The following ADD1 variants were observed in gnomAD, a reference collection of about 807,000 sequenced individuals.
ADD1 encodes the protein alpha-adducin.
Under a neutral mutation model 80.5 loss-of-function variants are expected in ADD1, and 24 were observed. The observed-to-expected ratio is 0.30, with a 90% CI of 0.22 to 0.42. ADD1 has a LOEUF of 0.42. Ranked by LOEUF, ADD1 falls within the 10% of genes least tolerant of loss-of-function variation. The pLI is 1.00. For synonymous variants in ADD1, 373 were observed against 393.8 expected, an observed-to-expected ratio of 0.95 and a Z score of 0.63; for missense variants, 948 against 1,019.0, an observed-to-expected ratio of 0.93 and a Z score of 0.95.
Position 2,884,575 on chromosome 4 carries a change from A to G in ADD1, c.419A>G (p.Lys140Arg), listed in dbSNP as rs772859513. The stretch of plus-strand genomic sequence containing the variant: ...GGATCTGATTCTATTGCGTATGACA[A>G]AGGAGAGAAGTTATTACGGTGTAAA... Reference protein sequence around the residue: ...LRGSDSIAYDKGEKLLRCKLA... With the variant: ...LRGSDSIAYDRGEKLLRCKLA... The change falls in exon 4 of 16, where the codon AAA becomes AGA. Residue 140 changes from lysine (K) to arginine (R), a missense_variant. Transcript: ENST00000683351. 6.2e-7 allele frequency: 1 copy of G among 1,613,518 alleles called. No homozygotes were observed. The highest frequency in any genetic ancestry group is 8.5e-7 in the Non-Finnish European group (1 of 1,179,630).
intron 5 of ADD1, 41 bp downstream of exon 5, chr4:2,894,134 C>A: frequency 3.4e-6 from 5 of 1,474,446 alleles, no homozygotes; most frequent in South Asian, 1.1e-5. Context: ...ATGTGCAGGT[C>A]ATGTTAGGTC....
Position 2,926,376 on chromosome 4 carries a change from A to G in ADD1, c.2047+264A>G. 1 of 701,086 alleles carries G rather than the reference A, an allele frequency of 1.4e-6. No homozygotes were observed. Among genetic ancestry groups the G allele is most frequent in the Non-Finnish European group, 2.6e-6 (1 of 385,626 alleles). The allele number at this position is 701,086 out of a possible 1,614,324, so 43.4% of individuals were successfully genotyped here. ...ATGGTTGCTGGTGTCCACGTTGCCC[A>G]TTGCTCGCACACTCCTCGTGCCGTG... On this transcript the variant is annotated intron_variant, in intron 15 of 15. Transcript: ENST00000683351. This position sits in a 1 kb window ranked among gnomAD's most constrained non-coding sequence, Gnocchi z 5.0.
At chr4:2,856,279 C>A (rs1304477118) in intron 1 of ADD1, among the ~76,000 whole-genome samples, 1 of 152,134 alleles carries the variant, frequency 6.6e-6, no homozygotes, top group Non-Finnish European at 1.5e-5. Context: ...AGTTATCCTA[C>A]TGCTCTCTAC....
chr4:2,919,677 G>A (rs1238095443), intron 14 of ADD1, among the ~76,000 whole-genome samples: 3 of 152,040 alleles, frequency 2.0e-5, no homozygotes, highest in Non-Finnish European at 4.4e-5. Flanking sequence ...GGGATCAGTG[G>A]TGATCTCCCC....
At chr4:2,845,574 G>A (rs1452925157) in intron 1 of ADD1, among the ~76,000 whole-genome samples, 4 of 152,058 alleles carry the variant, frequency 2.6e-5, no homozygotes, top group Non-Finnish European at 5.9e-5. Flanking sequence ...TCGGAGAGTC[G>A]CTGAGTGATG....
chr4:2,926,750 TTAAG>T lies in ADD1; in HGVS notation c.2047+640_2047+643del, dbSNP rs1405949245. The T allele has an allele frequency of 2.0e-6, 3 of 1,490,126 alleles. No homozygotes were observed. The highest frequency in any genetic ancestry group is 1.2e-5 in the South Asian group (1 of 83,568). The allele number at this position is 1,490,126 out of a possible 1,614,324, so 92.3% of individuals were successfully genotyped here. ...CATTCTCCTGCTTCTTTGTTGTTTATTAAGTTTTGTTTTCTGTTTATTTAAAATA... is the reference window on the plus strand; with the variant it reads ...CATTCTCCTGCTTCTTTGTTGTTTATTTTTGTTTTCTGTTTATTTAAAATA... On this transcript the variant is annotated intron_variant, in intron 15 of 15. Coordinates refer to ENST00000683351, the MANE Select transcript of ADD1 (RefSeq NM_001354761.2). The surrounding 1 kb of genome is among the most constrained non-coding windows in gnomAD (Gnocchi z 5.0).
intron 2 of ADD1, among the ~76,000 whole-genome samples, chr4:2,880,561 C>T (rs1181383163): frequency 4.0e-5 from 6 of 148,566 alleles, no homozygotes; most frequent in African/African-American, 1.2e-4. Flanking sequence ...CTGCAAGCTC[C>T]GCCTCCCGGG....
chr4:2,898,861 C>T, intron 8 of ADD1: 1 of 389,982 alleles, frequency 2.6e-6, no homozygotes, highest in South Asian at 2.7e-5. Flanking sequence ...CCACAGTACT[C>T]TTTGAAAAAG....
intron 14 of ADD1, among the ~76,000 whole-genome samples, chr4:2,916,449 C>T (rs1482798764): frequency 6.6e-6 from 1 of 152,088 alleles, no homozygotes; most frequent in Non-Finnish European, 1.5e-5. Flanking sequence ...CCGCCTTGGC[C>T]TCCCAAAGTG....
In ADD1 at chr4:2,928,315, GC is replaced by G. The variant is rs1712283302; in HGVS notation, c.2196del (p.Thr733LeufsTer58). The G allele has an allele frequency of 6.2e-7, 1 of 1,613,838 alleles. No homozygotes were observed. Among genetic ancestry groups the G allele is most frequent in the Admixed American group, 1.7e-5 (1 of 59,990 alleles). ...EKEEEAHRPP[S>X]PTEAPTEASP... ...GAGGAGGAAGCCCATAGACCCCCAA[GC>G]CCCACTGAGGCCCCTACTGAGGCCA... On this transcript the variant is annotated frameshift_variant, in exon 16 of 16. Coordinates refer to ENST00000683351, the MANE Select transcript of ADD1 (RefSeq NM_001354761.2). LOFTEE classifies it high-confidence loss of function.
At chr4:2,915,820 A>G (rs1738919609) in intron 14 of ADD1, among the ~76,000 whole-genome samples, 1 of 152,114 alleles carries the variant, frequency 6.6e-6, no homozygotes. Context: ...AAAAAAAGAA[A>G]TTGCAAAGTT....
At chr4:2,898,640 T>C in intron 8 of ADD1, 109 bp downstream of exon 8, 1 of 940,852 alleles carries the variant, frequency 1.1e-6, no homozygotes, top group Non-Finnish European at 1.7e-6. Flanking sequence ...TTGAGCAATC[T>C]CTTTGCCAAA....
Position 2,908,499 on chromosome 4 carries a change from T to C in ADD1, c.1609-16T>C, listed in dbSNP as rs776835320. On this transcript the variant is annotated splice_polypyrimidine_tract_variant and intron_variant, in intron 11 of 15. Transcript: ENST00000683351. Reference sequence around the variant, plus strand: ...GCTCAGGACTGTTGATGTGTGCCTCTCCTTCCCACCCTCAGATCCGAGAGC... The same window carrying C: ...GCTCAGGACTGTTGATGTGTGCCTCCCCTTCCCACCCTCAGATCCGAGAGC... The C allele has an allele frequency of 1.2e-6, 2 of 1,612,046 alleles. No homozygotes were observed. The highest frequency in any genetic ancestry group is 8.5e-7 in the Non-Finnish European group (1 of 1,178,110).
intron 1 of ADD1, among the ~76,000 whole-genome samples, chr4:2,866,256 T>G (rs1729532006): frequency 6.6e-6 from 1 of 152,144 alleles, no homozygotes; most frequent in African/African-American, 2.4e-5. Context: ...ACCCTTCGCC[T>G]TCCGGGTTCA....
chr4:2,901,397 ACT>A (rs1291584781), intron 9 of ADD1: 4 of 152,084 alleles, frequency 2.6e-5, no homozygotes, highest in African/African-American at 4.8e-5. Context: ...TCAGGTAGAA[ACT>A]CTGATTTGGT....
intron 2 of ADD1, among the ~76,000 whole-genome samples, chr4:2,878,746 C>T (rs867073108): frequency 6.6e-6 from 1 of 152,030 alleles, no homozygotes; most frequent in Non-Finnish European, 1.5e-5. Flanking sequence ...GCTATGATTG[C>T]ACCACTGCAC....
chr4:2,852,203 C>A (rs1727283452), intron 1 of ADD1, among the ~76,000 whole-genome samples: 1 of 93,876 alleles, frequency 1.1e-5, no homozygotes, highest in African/African-American at 4.1e-5. Flanking sequence ...TCTTTCCTTT[C>A]TTTCCTTTCC....
chr4:2,906,668 AC>A (rs1442839198), intron 10 of ADD1, among the ~76,000 whole-genome samples: 1 of 152,196 alleles, frequency 6.6e-6, no homozygotes, highest in East Asian at 1.9e-4. Flanking sequence ...GATTGCTGTT[AC>A]TTTTTCAAAT....
In ADD1 at chr4:2,884,685, A is replaced by T; in HGVS notation, c.510+19A>T. Reference sequence around the variant, plus strand: ...TATCACAGTGAGTATTAAATGGGCTAGTAACTGAACGATAAATGAAATATT... The same window carrying T: ...TATCACAGTGAGTATTAAATGGGCTTGTAACTGAACGATAAATGAAATATT... On this transcript the variant is annotated intron_variant, in intron 4 of 15. Transcript: ENST00000683351. 6.4e-7 allele frequency: 1 copy of T among 1,567,004 alleles called. No individual in the cohort carries two copies.
Sources: gnomAD v4.1 joint callset for allele counts (sites outside exome capture counted in the v4.1 genomes callset) on GRCh38, gnomAD v4.1.1 for gene constraint, Gnocchi (gnomAD v3.1) non-coding constraint, MANE v1.5 for transcripts, NCBI Gene and HGNC (gene_info 2026-07-23, HGNC 2026-07-21) for gene names.